LONP1: variants seen among roughly 807,000 people sequenced by gnomAD.
The protein encoded by LONP1 is lon protease homolog, mitochondrial.
In LONP1, 31 loss-of-function variants were observed where a neutral mutation model predicts 98.5. The observed-to-expected ratio is 0.31, with a 90% confidence interval of 0.24 to 0.42. LONP1 has a LOEUF of 0.42. Ranked by LOEUF, LONP1 falls within the 20% of genes least tolerant of loss-of-function variation. LONP1 has a pLI of 1.00. For missense variants in LONP1, 1,336 were observed against 1,350.6 expected (o/e 0.99, Z 0.17); for synonymous variants, 781 against 594.7 (o/e 1.31, Z -4.56).
In LONP1 at chr19:5,699,011, G is replaced by A. The variant is rs778304810; in HGVS notation, c.1685+16C>T. 3 of 1,592,042 alleles carry A rather than the reference G, an allele frequency of 1.9e-6. No individual in the cohort carries two copies. Among genetic ancestry groups the A allele is most frequent in the Non-Finnish European group, 2.6e-6 (3 of 1,166,804 alleles). On this transcript the variant is annotated intron_variant, in intron 10 of 17. Coordinates refer to ENST00000360614, the MANE Select transcript of LONP1 (RefSeq NM_004793.4). ...CTGAGGGGAGTGCGTGGGGAGAGCT[G>A]TCAGGCCAGGCCTACCTGTGGCCCT...
chr19:5,713,096 C>T, intron 3 of LONP1, 38 bp downstream of exon 3: 1 of 1,613,368 alleles, frequency 6.2e-7, no homozygotes, highest in Non-Finnish European at 8.5e-7. Flanking sequence ...GCGTGGTACT[C>T]TGCCCCCACC....
In LONP1 at chr19:5,693,482, T is replaced by G. The variant is rs973038813; in HGVS notation, c.2539-20A>C. 1 of 1,611,160 alleles carries G rather than the reference T, an allele frequency of 6.2e-7. No homozygotes were observed. ...GGCGCCCTGTGGAGGCATGTGGGGA[T>G]AGTGGGTGAGCAGGTGGCCAGCAGC... On this transcript the variant is annotated intron_variant, in intron 16 of 17. Coordinates refer to ENST00000360614, the MANE Select transcript of LONP1 (RefSeq NM_004793.4).
chr19:5,703,279 G>C (rs764839923), intron 8 of LONP1, among the ~76,000 whole-genome samples: 1 of 152,162 alleles, frequency 6.6e-6, no homozygotes, highest in Non-Finnish European at 1.5e-5. Flanking sequence ...CTCATCAGGA[G>C]AGCCAAGACG....
intron 8 of LONP1, among the ~76,000 whole-genome samples, chr19:5,705,155 C>G (rs1463465694): frequency 6.9e-6 from 1 of 145,686 alleles, no homozygotes; most frequent in Non-Finnish European, 1.5e-5. Context: ...GAGCAAGACT[C>G]TGTCTTAAAA....
At chr19:5,718,477 C>CAAAA (rs368724850) in intron 1 of LONP1, among the ~76,000 whole-genome samples, 2 of 101,018 alleles carry the variant, frequency 2.0e-5, no homozygotes, top group African/African-American at 7.4e-5. Flanking sequence ...AACTTGGTCT[C>CAAAA]AAAAAAAAAA....
At chr19:5,697,768 C>T (rs7254733) in intron 10 of LONP1, among the ~76,000 whole-genome samples, 2,842 of 124,734 alleles carry the variant, frequency 0.023, 57 homozygotes, top group African/African-American at 0.054. Context: ...GTCCTTGTCT[C>T]AGGAACCCAG....
At chr19:5,708,608 G>A (rs972829506) in intron 4 of LONP1, 3 of 465,408 alleles carry the variant, frequency 6.4e-6, no homozygotes, top group East Asian at 3.0e-5. Context: ...AGGACCAAGA[G>A]AGTCAAAACT....
At chr19:5,694,119 C>T (rs185187386) in intron 15 of LONP1, among the ~76,000 whole-genome samples, 2 of 152,320 alleles carry the variant, frequency 1.3e-5, no homozygotes, top group Admixed American at 1.3e-4. Context: ...GTGGTGGCCC[C>T]AAGGCCCATC....
chr19:5,701,014 C>G, intron 8 of LONP1, 87 bp from the exon 9 acceptor site: 1 of 1,503,754 alleles, frequency 6.7e-7, no homozygotes, highest in Non-Finnish European at 9.2e-7. Flanking sequence ...TTGCAAGGGG[C>G]TTGAAACCCA....
At chr19:5,692,442 CCCCT>C (rs1255044386) in intron 17 of LONP1, among the ~76,000 whole-genome samples, 1 of 152,150 alleles carries the variant, frequency 6.6e-6, no homozygotes, top group Non-Finnish European at 1.5e-5. Context: ...GCCTCCCCAC[CCCCT>C]TATCTAGGAA....
At chr19:5,695,399 G>T (rs1312598675) in intron 13 of LONP1, among the ~76,000 whole-genome samples, 1 of 152,014 alleles carries the variant, frequency 6.6e-6, no homozygotes, top group African/African-American at 2.4e-5. Context: ...ACTGATACTG[G>T]GGGGCACTCC....
intron 1 of LONP1, among the ~76,000 whole-genome samples, chr19:5,718,419 A>T (rs1336897946): frequency 2.0e-5 from 3 of 151,442 alleles, no homozygotes; most frequent in Non-Finnish European, 2.9e-5. Flanking sequence ...CAGAGGTTGC[A>T]GTGAGCTGAA....
intron 4 of LONP1, among the ~76,000 whole-genome samples, chr19:5,709,197 A>G (rs1045591981): frequency 6.6e-6 from 1 of 151,182 alleles, no homozygotes; most frequent in African/African-American, 2.4e-5. Flanking sequence ...AATTTTAATC[A>G]CCTGGTCTTG....
Position 5,696,665 on chromosome 19 carries a change from C to T in LONP1, c.1773+5G>A, listed in dbSNP as rs769047081. 3 of 1,593,426 alleles carry T rather than the reference C, an allele frequency of 1.9e-6. No homozygotes were observed. The highest frequency in any genetic ancestry group is 1.7e-5 in the Admixed American group (1 of 58,932). ...TAGGGGGTCTCCGGGCCTCTCCGCA[C>T]GCACCTCGTCGATGAGGATCAGGGG... On this transcript the variant is annotated splice_donor_5th_base_variant and intron_variant, in intron 11 of 17. Coordinates refer to ENST00000360614, the MANE Select transcript of LONP1 (RefSeq NM_004793.4).
At chr19:5,706,092 GAGAGA>G in intron 7 of LONP1, 100 bp from the exon 8 acceptor site, 1 of 763,720 alleles carries the variant, frequency 1.3e-6, no homozygotes, top group South Asian at 1.6e-5. Flanking sequence ...CCAGGACTCA[GAGAGA>G]AAAGAAACGA....
intron 5 of LONP1, 198 bp from the exon 6 acceptor site, chr19:5,708,024 A>G (rs551504289): frequency 4.4e-5 from 29 of 657,228 alleles, no homozygotes; most frequent in Non-Finnish European, 6.2e-5. Flanking sequence ...AAAGGCATGC[A>G]GCATCCTCAC....
chr19:5,693,185 G>C, intron 17 of LONP1, 113 bp downstream of exon 17: 1 of 1,350,046 alleles, frequency 7.4e-7, no homozygotes, highest in Non-Finnish European at 1.0e-6. Flanking sequence ...TGCTTCCAAA[G>C]CCCAGGGCTT....
rs185040832 is a variant in LONP1, at chr19:5,696,907, G to A, written c.1686-150C>T. 461 of 611,480 alleles carry A rather than the reference G, an allele frequency of 7.5e-4. 2 individuals carry two copies. The highest frequency in any genetic ancestry group is 6.2e-3 in the African/African-American group (335 of 54,152). 37.9% of individuals were successfully genotyped at this position (611,480 alleles called of 1,614,324 possible). ...GGAGGCGGAAATGCTGGCAGCCGCC[G>A]GATGTGTGGCACCTGCAGGCACGCT... On this transcript the variant is annotated intron_variant, in intron 10 of 17. Transcript: ENST00000360614.
chr19:5,705,569 G>A (rs183135355), intron 8 of LONP1, among the ~76,000 whole-genome samples: 60 of 151,814 alleles, frequency 4.0e-4, no homozygotes, highest in Admixed American at 7.2e-4. Flanking sequence ...CAACAGCCCC[G>A]AGCCTCGATT....
Sources: gnomAD v4.1 joint callset for allele counts (sites outside exome capture counted in the v4.1 genomes callset) on GRCh38, gnomAD v4.1.1 for gene constraint, MANE v1.5 for transcripts, NCBI Gene and HGNC (gene_info 2026-07-23, HGNC 2026-07-21) for gene names.